SMU1: variants seen among roughly 807,000 people sequenced by gnomAD.
The protein encoded by SMU1 is WD40 repeat-containing protein SMU1.
A neutral mutation model predicts 62.0 loss-of-function variants in SMU1; 2 were observed. The ratio of observed to expected loss-of-function variants is 0.03; its 90% CI spans 0.01 to 0.10. SMU1 has a LOEUF of 0.10. Ranked by LOEUF, SMU1 falls within the 10% of genes least tolerant of loss-of-function variation. The probability of loss-of-function intolerance (pLI) is 1.00; values close to 1 mark genes in which losing one functional copy is unlikely to be tolerated. For synonymous variants in SMU1, 188 were observed against 212.4 expected, an observed-to-expected ratio of 0.89 and a Z score of 1.00; for missense variants, 227 against 622.1, an observed-to-expected ratio of 0.36 and a Z score of 6.76.
chr9:33,051,126 AAAAAAAAAATAAAAAT>A lies in SMU1; in HGVS notation c.1290+1981_1290+1996del, dbSNP rs537872139. ...ACAGAGCGAGACTCTGTCTCAAAAA[AAAAAAAAAATAAAAAT>A]AAAAATAAAAAATAAGCTATCAAAC... is the stretch of plus-strand genomic sequence containing the variant. On this transcript the variant is annotated intron_variant, in intron 10 of 11. Coordinates refer to ENST00000397149, the MANE Select transcript of SMU1 (RefSeq NM_018225.3). 6.0e-3 allele frequency among the ~76,000 whole-genome samples: 497 copies of A among 83,424 alleles called. 72 individuals carry two copies. Among genetic ancestry groups the A allele is most frequent in the African/African-American group, 0.01 (222 of 21,714 alleles). 54.7% of individuals were successfully genotyped at this position (83,424 alleles called of 152,430 possible). A position where few individuals can be genotyped will look rare whatever the true frequency, so the allele number is the denominator to read the frequency against.
chr9:33,052,398 C>T (rs1207757180), intron 10 of SMU1, among the ~76,000 whole-genome samples: 1 of 152,158 alleles, frequency 6.6e-6, no homozygotes, highest in Non-Finnish European at 1.5e-5. Flanking sequence ...ATGCACTGGG[C>T]AGCTGTAGCT....
chr9:33,070,507 T>C (rs1839473978), intron 3 of SMU1, among the ~76,000 whole-genome samples: 1 of 152,212 alleles, frequency 6.6e-6, no homozygotes, highest in Non-Finnish European at 1.5e-5. Context: ...GGAGGTACCA[T>C]ATGATCCAGC....
At chr9:33,074,019 A>C (rs1451878014) in intron 1 of SMU1, among the ~76,000 whole-genome samples, 3 of 152,240 alleles carry the variant, frequency 2.0e-5, no homozygotes, top group Non-Finnish European at 4.4e-5. Context: ...TCATTTGCCT[A>C]ATGTCTCAGT....
At position 33,044,025 on chromosome 9, in the gene SMU1, C is replaced by A. The variant is rs1030121208; in HGVS notation, c.*3268G>T. ...AAAAAAAAAAAAAAGCCATACTACTCCCAAATACCTCCGCGCAATGTTTTC... is the reference window on the plus strand; with the variant it reads ...AAAAAAAAAAAAAAGCCATACTACTACCAAATACCTCCGCGCAATGTTTTC... On this transcript the variant is annotated 3_prime_UTR_variant, in exon 12 of 12. Coordinates refer to ENST00000397149, the MANE Select transcript of SMU1 (RefSeq NM_018225.3). 6.7e-6 allele frequency: 1 copy of A among 149,958 alleles called. No individual in the cohort carries two copies. The allele number at this position is 149,958 out of a possible 1,614,324, so 9.3% of individuals were successfully genotyped here. A position where few individuals can be genotyped will look rare whatever the true frequency, so the allele number is the denominator to read the frequency against.
At chr9:33,061,918 T>G in intron 5 of SMU1, 131 bp downstream of exon 5, 1 of 995,000 alleles carries the variant, frequency 1.0e-6, no homozygotes, top group Non-Finnish European at 1.5e-6. Flanking sequence ...TGCAGCAACC[T>G]TGAATATTGT....
chr9:33,069,008 C>G, intron 3 of SMU1, 74 bp from the exon 4 acceptor site: 1 of 1,538,264 alleles, frequency 6.5e-7, no homozygotes, highest in Non-Finnish European at 8.8e-7. Flanking sequence ...TTAAAACAAA[C>G]AAGCAGAAGC....
At chr9:33,057,111 T>C in intron 7 of SMU1, 147 bp from the exon 8 acceptor site, 1 of 755,468 alleles carries the variant, frequency 1.3e-6, no homozygotes, top group Non-Finnish European at 2.1e-6. Context: ...TGATGTCTAG[T>C]TCACATAGTA....
chr9:33,070,074 G>A (rs761651795), intron 3 of SMU1, among the ~76,000 whole-genome samples: 1 of 151,684 alleles, frequency 6.6e-6, no homozygotes, highest in African/African-American at 2.4e-5. Flanking sequence ...GCAGTGAGCC[G>A]AGATCACGCC....
At position 33,046,789 on chromosome 9, in the gene SMU1, G is replaced by A. The variant is rs977795328; in HGVS notation, c.*504C>T. 1 of 152,984 alleles carries A rather than the reference G, an allele frequency of 6.5e-6. No homozygotes were observed. Among genetic ancestry groups the A allele is most frequent in the African/African-American group, 2.4e-5 (1 of 41,310 alleles). 9.5% of individuals were successfully genotyped at this position (152,984 alleles called of 1,614,324 possible). On this transcript the variant is annotated 3_prime_UTR_variant, in exon 12 of 12. Transcript: ENST00000397149. ...ACACCTGTAGTCCCCAGCTACTCGG[G>A]AGGCTGAGGCAAGAGAATCGCTTGA...
chr9:33,068,881 G>A lies in SMU1; in HGVS notation c.444C>T (p.Ala148=), dbSNP rs1039977579. ...KEKRRAAIAQ[A]LAGEVSVVPP... ...GCACCACACTGACTTCGCCAGCTAA[G>A]GCCTGGGCAATTGCTGCTCTTCTCT... The change falls in exon 4 of 12, where the codon GCC becomes GCT. Residue 148 remains alanine, a synonymous_variant. Transcript: ENST00000397149. 3.7e-6 allele frequency: 6 copies of A among 1,614,028 alleles called. No individual in the cohort carries two copies. Among genetic ancestry groups the A allele is most frequent in the South Asian group, 3.3e-5 (3 of 91,086 alleles).
chr9:33,068,781 AGGTGTGAGCCACCACACCT>A lies in SMU1; in HGVS notation c.501+24_501+42del, dbSNP rs769696784. The stretch of plus-strand genomic sequence containing the variant: ...CAGCCTCCCAAAGTGCAAGGATGAC[AGGTGTGAGCCACCACACCT>A]GGCCTCTACAGGAATTGAATTACCT... On this transcript the variant is annotated intron_variant, in intron 4 of 11. Coordinates refer to ENST00000397149, the MANE Select transcript of SMU1 (RefSeq NM_018225.3). 4.0e-4 allele frequency: 638 copies of A among 1,605,878 alleles called. 1 individual carries two copies. Among genetic ancestry groups the A allele is most frequent in the Non-Finnish European group, 4.3e-4 (502 of 1,175,568 alleles).
In SMU1 at chr9:33,068,908, T is replaced by C. The variant is rs1176698693; in HGVS notation, c.417A>G (p.Glu139=). ...CCTGGGCAATTGCTGCTCTTCTCTT[T>C]TCTTTGCTACTTCCATCTGGGTATG... ...REAYPDGSSK[E]KRRAAIAQAL... The change falls in exon 4 of 12, where the codon GAA becomes GAG. Residue 139 remains glutamate (E), a synonymous_variant. Transcript: ENST00000397149. The C allele has an allele frequency of 1.2e-6, 2 of 1,614,134 alleles. No homozygotes were observed. The highest frequency in any genetic ancestry group is 1.7e-5 in the Admixed American group (1 of 60,014).
rs940429982 is a variant in SMU1 at position 33,045,265 on chromosome 9, C to A, written c.*2028G>T. 2.6e-5 allele frequency: 4 copies of A among 151,264 alleles called. No homozygotes were observed. The highest frequency in any genetic ancestry group is 9.9e-5 in the African/African-American group (4 of 40,556). 9.4% of individuals were successfully genotyped at this position (151,264 alleles called of 1,614,324 possible). On this transcript the variant is annotated 3_prime_UTR_variant, in exon 12 of 12. Coordinates refer to ENST00000397149, the MANE Select transcript of SMU1 (RefSeq NM_018225.3). ...AAACTGTTTCCTCTAACTTAAACTT[C>A]TCTTAAGTGAACGTGTCTTTCCACT...
chr9:33,070,969 G>A (rs1053686592), intron 3 of SMU1, among the ~76,000 whole-genome samples: 3 of 152,124 alleles, frequency 2.0e-5, no homozygotes, highest in Non-Finnish European at 4.4e-5. Context: ...TAGCACAACA[G>A]GGTGACTATA....
At chr9:33,061,690 T>G (rs905991906) in intron 5 of SMU1, among the ~76,000 whole-genome samples, 1 of 152,186 alleles carries the variant, frequency 6.6e-6, no homozygotes, top group African/African-American at 2.4e-5. Context: ...GCCTGACACA[T>G]AGCAGGCAAA....
rs1839194066 is a variant in SMU1 at position 33,047,100 on chromosome 9, C to T, written c.*193G>A. 2.1e-6 allele frequency: 1 copy of T among 484,156 alleles called. No homozygotes were observed. The highest frequency in any genetic ancestry group is 3.7e-6 in the Non-Finnish European group (1 of 272,994). The allele number at this position is 484,156 out of a possible 1,614,324, so 30.0% of individuals were successfully genotyped here. A position where few individuals can be genotyped will look rare whatever the true frequency, so the allele number is the denominator to read the frequency against. ...ACTGCACCAGTTAGAAGAAGATAAACTAATACCTTAAAAATATATAAAAAA... is the reference window on the plus strand; with the variant it reads ...ACTGCACCAGTTAGAAGAAGATAAATTAATACCTTAAAAATATATAAAAAA... On this transcript the variant is annotated 3_prime_UTR_variant, in exon 12 of 12. Coordinates refer to ENST00000397149, the MANE Select transcript of SMU1 (RefSeq NM_018225.3).
intron 4 of SMU1, among the ~76,000 whole-genome samples, chr9:33,067,612 C>T (rs530728362): frequency 6.6e-6 from 1 of 151,532 alleles, no homozygotes; most frequent in Non-Finnish European, 1.5e-5. Context: ...GATTCTCCTG[C>T]CTCAGCCTCC....
At chr9:33,065,861 A>AG (rs1321075431) in intron 4 of SMU1, among the ~76,000 whole-genome samples, 1 of 152,198 alleles carries the variant, frequency 6.6e-6, no homozygotes, top group African/African-American at 2.4e-5. Context: ...AGCTGAGGAC[A>AG]GGGTGGAGGT....
chr9:33,068,970 A>C (rs373908206), intron 3 of SMU1, 36 bp from the exon 4 acceptor site: 1 of 1,609,286 alleles, frequency 6.2e-7, no homozygotes. Flanking sequence ...ATTTCCAAGA[A>C]GCAACAACAA....
Sources: gnomAD v4.1 joint callset for allele counts (sites outside exome capture counted in the v4.1 genomes callset) on GRCh38, gnomAD v4.1.1 for gene constraint, MANE v1.5 for transcripts, NCBI Gene and HGNC (gene_info 2026-07-23, HGNC 2026-07-21) for gene names.